Variants in TBC1D22A observed in about 807,000 individuals in gnomAD.
TBC1D22A encodes putative GTPase activator.
TBC1D22A carries 38 observed loss-of-function variants against 60.2 expected under a neutral mutation model. That is an observed-to-expected ratio of 0.63 (90% CI 0.49 to 0.83). The LOEUF (loss-of-function observed/expected upper bound fraction) is 0.83. Ranked by LOEUF, TBC1D22A falls within the 40% of genes least tolerant of loss-of-function variation. The probability of loss-of-function intolerance (pLI) is 0.00; values close to 1 mark genes in which losing one functional copy is unlikely to be tolerated. For missense variants in TBC1D22A, 628 were observed against 701.0 expected, an observed-to-expected ratio of 0.90 and a Z score of 1.18; for synonymous variants, 302 against 281.7, an observed-to-expected ratio of 1.07 and a Z score of -0.72.
rs184861501 is a variant in TBC1D22A, at chr22:46,967,568, G to A, written c.1016-6722G>A. Among the ~76,000 whole-genome samples, 227 of 152,320 alleles carry A rather than the reference G, an allele frequency of 1.5e-3. 1 individual carries two copies. Among genetic ancestry groups the A allele is most frequent in the African/African-American group, 4.7e-3 (196 of 41,562 alleles). ...AATAGCTCCCTCCTTGGCACTCCCCGTCGGGGCTGGCTCTTACCGACAGCG... is the reference window on the plus strand; with the variant it reads ...AATAGCTCCCTCCTTGGCACTCCCCATCGGGGCTGGCTCTTACCGACAGCG... On this transcript the variant is annotated intron_variant, in intron 8 of 12. Transcript: ENST00000337137.
rs529587223 is a variant in TBC1D22A at position 46,918,875 on chromosome 22, C to T, written c.1015+6687C>T. Among the ~76,000 whole-genome samples, 340 of 152,186 alleles carry T rather than the reference C, an allele frequency of 2.2e-3. 1 individual carries two copies. Among genetic ancestry groups the T allele is most frequent in the South Asian group, 0.02 (97 of 4,812 alleles). On this transcript the variant is annotated intron_variant, in intron 8 of 12. Coordinates refer to ENST00000337137, the MANE Select transcript of TBC1D22A (RefSeq NM_014346.5). ...CAAACACAAAGTCAACAAAATTGTC[C>T]GAAGAACCCGCGTGCCCGTCATCTG...
rs577647753 is a variant in TBC1D22A at position 47,096,597 on chromosome 22, A to G, written c.1330-14911A>G. ...AGCACTTTGGGGGGCCGAGGGAGGC[A>G]GATCACTTGAGGCCAGGAGTTTGAG... On this transcript the variant is annotated intron_variant, in intron 11 of 12. Transcript: ENST00000337137. Among the ~76,000 whole-genome samples, 21 of 152,172 alleles carry G rather than the reference A, an allele frequency of 1.4e-4. No homozygotes were observed. The South Asian group carries it at 3.9e-3, about 29-fold the overall frequency.
At chr22:46,959,432 G>A (rs550681459) in intron 8 of TBC1D22A, among the ~76,000 whole-genome samples, 4 of 152,298 alleles carry the variant, frequency 2.6e-5, no homozygotes, top group Admixed American at 1.3e-4. Flanking sequence ...TGTGGCTGCC[G>A]CAGCGGGCAG....
At chr22:47,027,643 AAC>A (rs1226958795) in intron 10 of TBC1D22A, among the ~76,000 whole-genome samples, 1 of 152,216 alleles carries the variant, frequency 6.6e-6, no homozygotes, top group Non-Finnish European at 1.5e-5. Flanking sequence ...TCTGCAAGGA[AAC>A]ACAGAGCGTC....
chr22:46,933,024 C>T (rs1318282739), intron 8 of TBC1D22A, among the ~76,000 whole-genome samples: 1 of 152,116 alleles, frequency 6.6e-6, no homozygotes, highest in African/African-American at 2.4e-5. Context: ...TGCCCGGCCT[C>T]CTCCTTGCTT....
intron 7 of TBC1D22A, among the ~76,000 whole-genome samples, chr22:46,904,646 T>G (rs890400550): frequency 6.6e-6 from 1 of 151,224 alleles, no homozygotes; most frequent in Admixed American, 6.6e-5. Flanking sequence ...TTTTGTATTT[T>G]TAGTAGAGAT....
chr22:46,901,259 G>T (rs2068976650), intron 7 of TBC1D22A, among the ~76,000 whole-genome samples: 1 of 152,210 alleles, frequency 6.6e-6, no homozygotes, highest in Non-Finnish European at 1.5e-5. Flanking sequence ...TGGAAGCCAG[G>T]TTTCTCTTTA....
rs573929849 is a variant in TBC1D22A, at chr22:46,840,600, G to A, written c.638-38053G>A. The stretch of plus-strand genomic sequence containing the variant: ...ATACAAAAATTAGCTGGGCATGGTA[G>A]TGTGCGCCTGTAGTCCCAGCTACTT... On this transcript the variant is annotated intron_variant, in intron 4 of 12. Coordinates refer to ENST00000337137, the MANE Select transcript of TBC1D22A (RefSeq NM_014346.5). Among the ~76,000 whole-genome samples the A allele has an allele frequency of 3.9e-5, 6 of 152,294 alleles. No homozygotes were observed. In the South Asian group the frequency reaches 1.2e-3, roughly 32 times the overall value.
rs1401216784 is a variant in TBC1D22A, at chr22:46,912,091, G to T, written c.918G>T (p.Leu306Phe). The T allele has an allele frequency of 1.2e-6, 2 of 1,613,332 alleles. No individual in the cohort carries two copies. The highest frequency in any genetic ancestry group is 2.2e-5 in the East Asian group (1 of 44,872). ...PKVTEIFERILFIWAIRHPAS... is the reference protein window; with the variant it reads ...PKVTEIFERIFFIWAIRHPAS... ...TCTTTCAGATTTTTGAAAGGATCTT[G>T]TTCATATGGGCGATCCGCCACCCAG... Residue 306 changes from leucine (L) to phenylalanine (F), a missense_variant, in exon 8 of 13, where the codon TTG becomes TTT. Physicochemically the swap from Leu to Phe is conservative, Grantham distance 22. Transcript: ENST00000337137.
intron 11 of TBC1D22A, among the ~76,000 whole-genome samples, chr22:47,065,847 A>G (rs1731809992): frequency 6.6e-6 from 1 of 152,160 alleles, no homozygotes. Context: ...CCCTGTGTCC[A>G]GCTGTGCGTG....
chr22:46,782,426 C>T (rs745710798), intron 1 of TBC1D22A, among the ~76,000 whole-genome samples: 63 of 152,228 alleles, frequency 4.1e-4, no homozygotes, highest in Admixed American at 7.2e-4. Flanking sequence ...CATGACGTCC[C>T]GGCCTTCCTG....
intron 11 of TBC1D22A, among the ~76,000 whole-genome samples, chr22:47,107,015 G>A (rs2065661716): frequency 6.6e-6 from 1 of 152,198 alleles, no homozygotes; most frequent in Admixed American, 6.5e-5. Flanking sequence ...GGAAGATTAG[G>A]TCAGTGTGTG....
At chr22:47,085,580 T>TA (rs890270585) in intron 11 of TBC1D22A, among the ~76,000 whole-genome samples, 1 of 152,160 alleles carries the variant, frequency 6.6e-6, no homozygotes, top group Admixed American at 6.5e-5. Flanking sequence ...GTATTCAGAT[T>TA]AAAAAATGAC....
chr22:47,117,296 T>G (rs2066104336), intron 12 of TBC1D22A: 2 of 165,668 alleles, frequency 1.2e-5, no homozygotes, highest in South Asian at 2.1e-4. Flanking sequence ...GAGCAGGGAG[T>G]CACTCCACAC....
intron 4 of TBC1D22A, among the ~76,000 whole-genome samples, chr22:46,874,145 T>C (rs1156707362): frequency 2.0e-5 from 3 of 152,178 alleles, no homozygotes; most frequent in Non-Finnish European, 4.4e-5. Context: ...TAGTATTCCA[T>C]GGTGTATATG....
chr22:46,950,778 C>A (rs191185387), intron 8 of TBC1D22A, among the ~76,000 whole-genome samples: 28 of 152,258 alleles, frequency 1.8e-4, no homozygotes, highest in African/African-American at 6.7e-4. Flanking sequence ...CGAACCCTTG[C>A]GTCTCCGGGA....
At chr22:47,078,997 C>A (rs1043863661) in intron 11 of TBC1D22A, among the ~76,000 whole-genome samples, 1 of 152,104 alleles carries the variant, frequency 6.6e-6, no homozygotes, top group Admixed American at 6.5e-5. Flanking sequence ...TCTCTAAACA[C>A]CCTGTATATA....
intron 4 of TBC1D22A, among the ~76,000 whole-genome samples, chr22:46,860,956 G>A (rs148229476): frequency 2.9e-4 from 44 of 151,218 alleles, no homozygotes; most frequent in African/African-American, 1.0e-3. Flanking sequence ...TTTGGCGAAG[G>A]CATATTTGAA....
chr22:46,846,468 A>G (rs1456142104), intron 4 of TBC1D22A, among the ~76,000 whole-genome samples: 1 of 152,202 alleles, frequency 6.6e-6, no homozygotes, highest in Non-Finnish European at 1.5e-5. Flanking sequence ...CTTCTTTTCC[A>G]GAAGAGGGAA....
Sources: allele counts gnomAD v4.1 joint callset (sites outside exome capture counted in the v4.1 genomes callset), GRCh38; gene constraint gnomAD v4.1.1; transcripts MANE v1.5; gene names NCBI Gene and HGNC (gene_info 2026-07-23, HGNC 2026-07-21).